The following NLGN1 variants were observed in gnomAD, a reference collection of about 807,000 sequenced individuals.
NLGN1 encodes neuroligin 1, also known as neuroligin-1.
Under a neutral mutation model 65.5 loss-of-function variants are expected in NLGN1, and 12 were observed. The observed-to-expected ratio is 0.18, with a 90% confidence interval of 0.12 to 0.30. NLGN1 has a LOEUF of 0.30. Ranked by LOEUF, NLGN1 falls within the 10% of genes least tolerant of loss-of-function variation. NLGN1 has a pLI of 1.00. For missense variants in NLGN1, 750 were observed against 1,007.1 expected, an observed-to-expected ratio of 0.74 and a Z score of 3.46; for synonymous variants, 350 against 359.5, an observed-to-expected ratio of 0.97 and a Z score of 0.30.
intron 4 of NLGN1, among the ~76,000 whole-genome samples, chr3:173,887,965 A>C (rs1734667286): frequency 6.6e-6 from 1 of 152,042 alleles, no homozygotes; most frequent in African/African-American, 2.4e-5. Flanking sequence ...TTTCTAAATT[A>C]CTTCTAACTG....
chr3:173,855,180 G>A (rs1370012921), intron 4 of NLGN1, among the ~76,000 whole-genome samples: 1 of 152,022 alleles, frequency 6.6e-6, no homozygotes, highest in East Asian at 1.9e-4. Context: ...CATAAGAGTG[G>A]TGATATTAAG....
At chr3:173,585,716 G>A (rs917643692) in intron 2 of NLGN1, among the ~76,000 whole-genome samples, 3 of 152,192 alleles carry the variant, frequency 2.0e-5, no homozygotes, top group Non-Finnish European at 4.4e-5. Context: ...TAGCGAGTGC[G>A]CCAGGCAGAC....
intron 3 of NLGN1, among the ~76,000 whole-genome samples, chr3:173,627,362 G>A (rs1754983822): frequency 6.6e-6 from 1 of 152,040 alleles, no homozygotes; most frequent in African/African-American, 2.4e-5. Context: ...GTTCATGTAT[G>A]TTGTTGGAAA....
intron 2 of NLGN1, among the ~76,000 whole-genome samples, chr3:173,457,881 C>G (rs967910898): frequency 2.0e-5 from 3 of 151,894 alleles, no homozygotes; most frequent in Admixed American, 2.0e-4. Context: ...GAAGTAGAAG[C>G]ATGTATTTTG....
At chr3:173,412,859 C>CT (rs1220315217) in intron 1 of NLGN1, among the ~76,000 whole-genome samples, 2 of 152,134 alleles carry the variant, frequency 1.3e-5, no homozygotes, top group East Asian at 1.9e-4. Context: ...TGTAATGGTA[C>CT]TTTTTTGGCC....
chr3:173,835,078 A>C (rs1723349575), intron 4 of NLGN1, among the ~76,000 whole-genome samples: 1 of 152,154 alleles, frequency 6.6e-6, no homozygotes, highest in South Asian at 2.1e-4. Context: ...AGGAGAAAAT[A>C]TTTTATAACA....
chr3:173,649,503 A>T (rs1259414675), intron 3 of NLGN1, among the ~76,000 whole-genome samples: 1 of 152,166 alleles, frequency 6.6e-6, no homozygotes, highest in Non-Finnish European at 1.5e-5. Context: ...TGAACAAAGC[A>T]GTTAAAAAAT....
intron 2 of NLGN1, among the ~76,000 whole-genome samples, chr3:173,506,124 T>G (rs1010893908): frequency 6.6e-6 from 1 of 152,072 alleles, no homozygotes; most frequent in South Asian, 2.1e-4. Context: ...TTAACCATAC[T>G]TTTTACAAAA....
At chr3:173,944,490 G>A (rs1041583679) in intron 4 of NLGN1, among the ~76,000 whole-genome samples, 5 of 152,086 alleles carry the variant, frequency 3.3e-5, no homozygotes, top group African/African-American at 1.2e-4. Context: ...AAAGTTGACT[G>A]GATGAAATGT....
At chr3:173,576,578 A>G (rs891492942) in intron 2 of NLGN1, among the ~76,000 whole-genome samples, 3 of 151,716 alleles carry the variant, frequency 2.0e-5, no homozygotes, top group African/African-American at 7.3e-5. Flanking sequence ...TTTCTCCCTC[A>G]TCTCTGTTTC....
chr3:174,127,547 A>G (rs958638277), intron 4 of NLGN1, among the ~76,000 whole-genome samples: 7 of 152,046 alleles, frequency 4.6e-5, no homozygotes, highest in African/African-American at 1.7e-4. Flanking sequence ...TCGTCTCTTC[A>G]ACATTCTTAA....
chr3:173,766,067 A>C (rs1415993050), intron 3 of NLGN1, among the ~76,000 whole-genome samples: 32 of 150,860 alleles, frequency 2.1e-4, no homozygotes, highest in Admixed American at 2.1e-3. Flanking sequence ...AACACCTAGA[A>C]TCTTCCTTAT....
In NLGN1 at chr3:174,279,430, TCAAA is replaced by T; in HGVS notation, c.1431_1434del (p.Asn478LeufsTer39). 1 of 1,613,296 alleles carries T rather than the reference TCAAA, an allele frequency of 6.2e-7. No homozygotes were observed. Among genetic ancestry groups the T allele is most frequent in the Non-Finnish European group, 8.5e-7 (1 of 1,179,544 alleles). The stretch of plus-strand genomic sequence containing the variant: ...AGCTGTAGCCACAGCGGATCTTCAC[TCAAA>T]CTTTGGTTCACCTACGTACTTCTAT... On this transcript the variant is annotated frameshift_variant, in exon 6 of 7. Coordinates refer to ENST00000457714, the Ensembl canonical transcript of NLGN1. LOFTEE classifies it high-confidence loss of function. This position sits in a 1 kb window ranked among gnomAD's most constrained non-coding sequence, Gnocchi z 4.7.
chr3:173,995,236 A>T (rs1579642722), intron 4 of NLGN1, among the ~76,000 whole-genome samples: 1 of 152,230 alleles, frequency 6.6e-6, no homozygotes. Context: ...AAGAAACTAG[A>T]GCCAGGGGCC....
intron 4 of NLGN1, among the ~76,000 whole-genome samples, chr3:173,872,322 G>T (rs1485966508): frequency 1.3e-5 from 2 of 152,194 alleles, no homozygotes; most frequent in Non-Finnish European, 2.9e-5. Context: ...CTATGCTAGT[G>T]ATTGAACAAA....
rs547848464 is a variant in NLGN1, at chr3:173,889,658, A to G, written c.646+81826A>G. Among the ~76,000 whole-genome samples, 4 of 152,296 alleles carry G rather than the reference A, an allele frequency of 2.6e-5. No homozygotes were observed. The East Asian group carries it at 7.7e-4, about 29-fold the overall frequency. On this transcript the variant is annotated intron_variant, in intron 4 of 6. Transcript: ENST00000457714. ...GGTTGAGACTGAAAGACAGTGATAC[A>G]TGAAAAGGAATAAAAGAACACAGCA...
Position 173,550,100 on chromosome 3 carries a change from A to G in NLGN1, c.-320-54179A>G, listed in dbSNP as rs531901346. Among the ~76,000 whole-genome samples, 10 of 152,172 alleles carry G rather than the reference A, an allele frequency of 6.6e-5. No homozygotes were observed. The South Asian group carries it at 1.2e-3, about 19-fold the overall frequency. Reference sequence around the variant, plus strand: ...TCAAGGCTTGATTTTTAATATCTCAATTGAAGGTCTTCATGCTGCCTACAT... The same window carrying G: ...TCAAGGCTTGATTTTTAATATCTCAGTTGAAGGTCTTCATGCTGCCTACAT... On this transcript the variant is annotated intron_variant, in intron 2 of 6. Transcript: ENST00000457714.
At chr3:173,764,542 A>C (rs1778467920) in intron 3 of NLGN1, among the ~76,000 whole-genome samples, 1 of 152,154 alleles carries the variant, frequency 6.6e-6, no homozygotes, top group African/African-American at 2.4e-5. Context: ...GAAGACTCTG[A>C]GAAGTATATC....
intron 3 of NLGN1, among the ~76,000 whole-genome samples, chr3:173,728,376 A>G (rs1578151096): frequency 6.6e-6 from 1 of 152,124 alleles, no homozygotes. Flanking sequence ...TGGACTTTGC[A>G]TGTATGTATG....
Sources: gnomAD v4.1 joint callset for allele counts (sites outside exome capture counted in the v4.1 genomes callset) on GRCh38, gnomAD v4.1.1 for gene constraint, Gnocchi (gnomAD v3.1) non-coding constraint, MANE v1.5 for transcripts, NCBI Gene and HGNC (gene_info 2026-07-23, HGNC 2026-07-21) for gene names.